The following LDAH variants were observed in gnomAD, a reference collection of about 807,000 sequenced individuals.
The protein encoded by LDAH is lipid droplet associated hydrolase.
LDAH carries 26 observed loss-of-function variants against 29.6 expected under a neutral mutation model. That is an observed-to-expected ratio of 0.88 (90% CI 0.64 to 1.22). LDAH has a LOEUF of 1.22. Ranked by LOEUF, LDAH falls within the 50% of genes most tolerant of loss-of-function variation. LDAH has a pLI of 0.00. For missense variants in LDAH, 344 were observed against 387.3 expected, an observed-to-expected ratio of 0.89 and a Z score of 0.94; for synonymous variants, 117 against 133.0, an observed-to-expected ratio of 0.88 and a Z score of 0.83.
At chr2:20,750,023 C>CG (rs916042427) in intron 4 of LDAH, among the ~76,000 whole-genome samples, 8 of 127,094 alleles carry the variant, frequency 6.3e-5, no homozygotes, top group African/African-American at 2.3e-4. Context: ...CCTTACTAAA[C>CG]TTTTTTTTTT....
chr2:20,748,593 A>T lies in LDAH; in HGVS notation c.469-8388T>A, dbSNP rs139559531. Among the ~76,000 whole-genome samples, 188 of 152,360 alleles carry T rather than the reference A, an allele frequency of 1.2e-3. 1 individual carries two copies. The highest frequency in any genetic ancestry group is 4.3e-3 in the African/African-American group (178 of 41,600). ...GCTCATTCAGAAAACAATGATGCTC[A>T]CAGGCTCACTGCAAATTATTCTTTA... On this transcript the variant is annotated intron_variant, in intron 4 of 6. Transcript: ENST00000237822.
At chr2:20,688,625 T>C (rs1183162954) in intron 6 of LDAH, among the ~76,000 whole-genome samples, 1 of 152,126 alleles carries the variant, frequency 6.6e-6, no homozygotes, top group Non-Finnish European at 1.5e-5. Context: ...ATTAAATCCA[T>C]GACCTGAATA....
At chr2:20,764,716 G>C (rs1572577063) in intron 4 of LDAH, among the ~76,000 whole-genome samples, 1 of 152,180 alleles carries the variant, frequency 6.6e-6, no homozygotes, top group African/African-American at 2.4e-5. Flanking sequence ...TTGGTGATTT[G>C]TGAAAGCAAC....
intron 5 of LDAH, among the ~76,000 whole-genome samples, chr2:20,730,516 T>C (rs187180594): frequency 3.2e-3 from 483 of 152,330 alleles, no homozygotes; most frequent in African/African-American, 0.011. Flanking sequence ...GATAGGTGTG[T>C]AATGATATCT....
chr2:20,704,440 T>C (rs1336743506), intron 5 of LDAH, among the ~76,000 whole-genome samples: 2 of 152,222 alleles, frequency 1.3e-5, no homozygotes, highest in African/African-American at 4.8e-5. Flanking sequence ...ATTTGATTAA[T>C]ACATTATGGT....
intron 1 of LDAH, among the ~76,000 whole-genome samples, chr2:20,807,478 C>T (rs894301859): frequency 1.3e-5 from 2 of 151,858 alleles, no homozygotes; most frequent in South Asian, 2.1e-4. Context: ...TAGTGCTATA[C>T]AAAAGGGTAA....
chr2:20,809,192 C>G lies in LDAH; in HGVS notation c.-2-7727G>C, dbSNP rs1258909287. ...GGATCACAAGGTCAGGAGATCAAGA[C>G]CATCCTGGCCAACATCGTGAAACCC... On this transcript the variant is annotated intron_variant, in intron 1 of 6. Coordinates refer to ENST00000237822, the MANE Select transcript of LDAH (RefSeq NM_021925.4). 2.0e-5 allele frequency among the ~76,000 whole-genome samples: 3 copies of G among 149,930 alleles called. No individual in the cohort carries two copies. The East Asian group carries it at 5.8e-4, about 29-fold the overall frequency.
intron 4 of LDAH, among the ~76,000 whole-genome samples, chr2:20,767,201 C>T (rs1408316277): frequency 6.6e-6 from 1 of 152,206 alleles, no homozygotes; most frequent in African/African-American, 2.4e-5. Flanking sequence ...GGGCTTCATG[C>T]TCCATGGAGC....
intron 4 of LDAH, among the ~76,000 whole-genome samples, chr2:20,747,270 G>C (rs548724017): frequency 6.6e-6 from 1 of 152,098 alleles, no homozygotes; most frequent in Non-Finnish European, 1.5e-5. Flanking sequence ...GTGAAGCTGC[G>C]ACAAATAGTA....
chr2:20,801,474 G>T lies in LDAH; in HGVS notation c.-2-9C>A, dbSNP rs745894948. ...GAGTTCTGAGTCCATTTCTAAATAA[G>T]GGGAGAAAAGTAGTATGAAGAGTCA... On this transcript the variant is annotated splice_polypyrimidine_tract_variant and intron_variant, in intron 1 of 6. Transcript: ENST00000237822. 4.3e-6 allele frequency: 7 copies of T among 1,611,418 alleles called. No individual in the cohort carries two copies. Among genetic ancestry groups the T allele is most frequent in the Middle Eastern group, 1.7e-4 (1 of 6,058 alleles).
chr2:20,822,730 C>T (rs114795053), intron 1 of LDAH, among the ~76,000 whole-genome samples: 5,968 of 152,196 alleles, frequency 0.039, 155 homozygotes, highest in African/African-American at 0.056. Context: ...AACTTTTTGG[C>T]CTCTACTCCT....
intron 5 of LDAH, among the ~76,000 whole-genome samples, chr2:20,737,703 C>T (rs929991711): frequency 2.0e-5 from 3 of 152,114 alleles, no homozygotes; most frequent in Non-Finnish European, 4.4e-5. Flanking sequence ...ACTATTTTCA[C>T]CAGTAGGCAT....
At chr2:20,816,870 C>A (rs1174740466) in intron 1 of LDAH, among the ~76,000 whole-genome samples, 2 of 151,856 alleles carry the variant, frequency 1.3e-5, no homozygotes, top group East Asian at 3.9e-4. Flanking sequence ...CTTATGTTTT[C>A]TGATCATTGT....
At chr2:20,790,201 G>A (rs1488460540) in intron 3 of LDAH, 54 bp downstream of exon 3, 18 of 1,577,504 alleles carry the variant, frequency 1.1e-5, no homozygotes, top group Non-Finnish European at 1.4e-5. Flanking sequence ...AAGCTTGCTA[G>A]AAACATGACC....
chr2:20,699,893 T>C (rs1365502579), intron 6 of LDAH, among the ~76,000 whole-genome samples: 2 of 152,212 alleles, frequency 1.3e-5, no homozygotes, highest in Non-Finnish European at 2.9e-5. Context: ...GCACCTTTCT[T>C]TGACCTTTTT....
At chr2:20,799,515 C>A (rs1204914939) in intron 2 of LDAH, among the ~76,000 whole-genome samples, 1 of 152,148 alleles carries the variant, frequency 6.6e-6, no homozygotes, top group African/African-American at 2.4e-5. Context: ...TCTCTTCTAG[C>A]TACTTTATAC....
At chr2:20,756,200 A>G (rs934504982) in intron 4 of LDAH, among the ~76,000 whole-genome samples, 2 of 151,940 alleles carry the variant, frequency 1.3e-5, no homozygotes, top group Admixed American at 1.3e-4. Context: ...ATGCCCAGCT[A>G]ATTTTTGTAT....
rs1667050109 is a variant in LDAH, at chr2:20,739,872, A to C, written c.703+99T>G. Reference sequence around the variant, plus strand: ...TTTGGAAGAGGAAAAAAAAACTAGTAAATAATTGCTTGCTTGATATTTGTC... The same window carrying C: ...TTTGGAAGAGGAAAAAAAAACTAGTCAATAATTGCTTGCTTGATATTTGTC... On this transcript the variant is annotated intron_variant, in intron 5 of 6. Transcript: ENST00000237822. The C allele has an allele frequency of 5.0e-6, 4 of 800,876 alleles. No homozygotes were observed. In the South Asian group the frequency reaches 1.0e-4, roughly 21 times the overall value. The allele number at this position is 800,876 out of a possible 1,614,324, so 49.6% of individuals were successfully genotyped here. A position where few individuals can be genotyped will look rare whatever the true frequency, so the allele number is the denominator to read the frequency against.
intron 2 of LDAH, 151 bp downstream of exon 2, chr2:20,801,159 C>A: frequency 1.4e-6 from 1 of 723,562 alleles, no homozygotes; most frequent in Non-Finnish European, 2.2e-6. Flanking sequence ...ATCCAGACGT[C>A]AAAATATTAA....
Sources: gnomAD v4.1 joint callset for allele counts (sites outside exome capture counted in the v4.1 genomes callset) on GRCh38, gnomAD v4.1.1 for gene constraint, MANE v1.5 for transcripts, NCBI Gene and HGNC (gene_info 2026-07-23, HGNC 2026-07-21) for gene names.